Variants in EYS observed in about 807,000 individuals in gnomAD.
EYS encodes protein eyes shut homolog.
Under a neutral mutation model 282.1 loss-of-function variants are expected in EYS, and 250 were observed. That is an observed-to-expected ratio of 0.89 (90% CI 0.80 to 0.98). The LOEUF (loss-of-function observed/expected upper bound fraction) is 0.98. Ranked by LOEUF, EYS falls within the 50% of genes least tolerant of loss-of-function variation. The pLI is 0.00. For synonymous variants in EYS, 1,355 were observed against 1,282.9 expected (o/e 1.06, Z -1.20); for missense variants, 4,016 against 3,709.0 (o/e 1.08, Z -2.15).
intron 35 of EYS, among the ~76,000 whole-genome samples, chr6:63,937,348 T>TTTTTTTTG: frequency 5.3e-5 from 1 of 18,996 alleles, no homozygotes; most frequent in African/African-American, 2.4e-4. Context: ...CTCTTTTCTT[T>TTTTTTTTG]TTTTTTTTTT....
chr6:65,052,090 C>T (rs1773287098), intron 13 of EYS, among the ~76,000 whole-genome samples: 1 of 151,446 alleles, frequency 6.6e-6, no homozygotes, highest in South Asian at 2.1e-4. Flanking sequence ...GAATTTAAAA[C>T]TGCTGATTGG....
chr6:64,948,622 A>G (rs1769379587), intron 14 of EYS, among the ~76,000 whole-genome samples: 1 of 147,744 alleles, frequency 6.8e-6, no homozygotes, highest in Non-Finnish European at 1.5e-5. Flanking sequence ...AAATAATAGT[A>G]AATACTAGTA....
chr6:64,830,788 A>G (rs1438816851), intron 19 of EYS, among the ~76,000 whole-genome samples: 3 of 151,858 alleles, frequency 2.0e-5, no homozygotes, highest in Non-Finnish European at 4.4e-5. Flanking sequence ...AGGGTTGACT[A>G]TAATAGATAA....
At chr6:64,302,029 A>G (rs1769256329) in intron 30 of EYS, among the ~76,000 whole-genome samples, 1 of 152,230 alleles carries the variant, frequency 6.6e-6, no homozygotes, top group Admixed American at 6.5e-5. Flanking sequence ...ACTCTAAAGC[A>G]CACCCTGTGT....
At chr6:64,006,809 T>A (rs1419879557) in intron 33 of EYS, among the ~76,000 whole-genome samples, 1 of 152,168 alleles carries the variant, frequency 6.6e-6, no homozygotes, top group Non-Finnish European at 1.5e-5. Flanking sequence ...GATTTGCATA[T>A]GTTTATGCAA....
At chr6:65,003,325 C>T (rs1356076643) in intron 13 of EYS, among the ~76,000 whole-genome samples, 2 of 147,408 alleles carry the variant, frequency 1.4e-5, no homozygotes, top group East Asian at 4.3e-4. Context: ...ACAGCACTCC[C>T]AGGCTTATTA....
At chr6:64,278,773 T>C (rs1327520122) in intron 30 of EYS, among the ~76,000 whole-genome samples, 1 of 152,012 alleles carries the variant, frequency 6.6e-6, no homozygotes, top group East Asian at 1.9e-4. Flanking sequence ...CTCCCTCTCC[T>C]CTCTTTCTGA....
At chr6:65,688,939 G>C (rs1769133174) in intron 1 of EYS, among the ~76,000 whole-genome samples, 1 of 151,564 alleles carries the variant, frequency 6.6e-6, no homozygotes, top group Admixed American at 6.6e-5. Flanking sequence ...CTGTAAACTA[G>C]TTCAACCATT....
At chr6:64,167,721 AAAGAT>A (rs1470493802) in intron 31 of EYS, among the ~76,000 whole-genome samples, 1 of 152,202 alleles carries the variant, frequency 6.6e-6, no homozygotes, top group Non-Finnish European at 1.5e-5. Context: ...ATATTAATGA[AAAGAT>A]AAGCAGTAGC....
chr6:64,953,751 T>C (rs1166619069), intron 14 of EYS, among the ~76,000 whole-genome samples: 1 of 151,832 alleles, frequency 6.6e-6, no homozygotes, highest in Non-Finnish European at 1.5e-5. Flanking sequence ...TGATTGAACA[T>C]ATTTTGAAAT....
At chr6:65,385,603 A>G (rs1324905674) in intron 7 of EYS, among the ~76,000 whole-genome samples, 1 of 151,852 alleles carries the variant, frequency 6.6e-6, no homozygotes, top group African/African-American at 2.4e-5. Context: ...ATTATTTATC[A>G]CTTTTATAAA....
rs967920125 is a variant in EYS at position 65,260,540 on chromosome 6, A to G, written c.2023+35323T>C. ...CCATAAAGCTTTTCTTCTCTCATTA[A>G]AATTGTCTTTGTTTGAATTATATTA... On this transcript the variant is annotated intron_variant, in intron 12 of 42. Coordinates refer to ENST00000503581, the MANE Select transcript of EYS (RefSeq NM_001142800.2). Among the ~76,000 whole-genome samples the G allele has an allele frequency of 1.6e-4, 24 of 152,004 alleles. 1 individual carries two copies. The highest frequency in any genetic ancestry group is 4.8e-4 in the African/African-American group (20 of 41,422).
intron 15 of EYS, among the ~76,000 whole-genome samples, chr6:64,926,631 C>A (rs1289516436): frequency 1.3e-5 from 2 of 152,154 alleles, no homozygotes; most frequent in Non-Finnish European, 2.9e-5. Flanking sequence ...TTGTTACCTG[C>A]ATTTTTTTTC....
chr6:65,129,590 C>T lies in EYS; in HGVS notation c.2024-71863G>A, dbSNP rs147917950. Among the ~76,000 whole-genome samples, 36 of 151,790 alleles carry T rather than the reference C, an allele frequency of 2.4e-4. No individual in the cohort carries two copies. The East Asian group carries it at 5.8e-3, about 25-fold the overall frequency. ...TCATAATCACTAATCATCAGAGAAA[C>T]GAATATCAAAACCACAATGAGATAC... On this transcript the variant is annotated intron_variant, in intron 12 of 42. Coordinates refer to ENST00000503581, the MANE Select transcript of EYS (RefSeq NM_001142800.2).
chr6:64,950,331 G>T (rs1031218104), intron 14 of EYS, among the ~76,000 whole-genome samples: 3 of 151,832 alleles, frequency 2.0e-5, no homozygotes, highest in African/African-American at 7.2e-5. Flanking sequence ...TAGGTGAAGA[G>T]AATAGAAAAA....
rs1035793432 is a variant in EYS at position 65,640,043 on chromosome 6, T to C, written c.-447-151A>G. ...GCTATAGTCCTACATTTATTGTCTGTGTAATTACTGAGAGAAATAAGATGG... is the reference window on the plus strand; with the variant it reads ...GCTATAGTCCTACATTTATTGTCTGCGTAATTACTGAGAGAAATAAGATGG... On this transcript the variant is annotated intron_variant, in intron 1 of 42. Coordinates refer to ENST00000503581, the MANE Select transcript of EYS (RefSeq NM_001142800.2). 9.8e-5 allele frequency among the ~76,000 whole-genome samples: 15 copies of C among 152,340 alleles called. No individual in the cohort carries two copies. The South Asian group carries it at 2.3e-3, about 23-fold the overall frequency.
At position 64,475,290 on chromosome 6, in the gene EYS, G is replaced by T. The variant is rs1392794768; in HGVS notation, c.5645-35938C>A. Among the ~76,000 whole-genome samples, 4 of 134,400 alleles carry T rather than the reference G, an allele frequency of 3.0e-5. 1 individual carries two copies. Among genetic ancestry groups the T allele is most frequent in the Non-Finnish European group, 5.0e-5 (3 of 60,184 alleles). 88.2% of individuals were successfully genotyped at this position (134,400 alleles called of 152,430 possible). ...GAAAAGGCCGGGCGCGGTGGCTCAC[G>T]CCTGTAATCCCAGCACTTTGGGAGG... On this transcript the variant is annotated intron_variant, in intron 26 of 42. Transcript: ENST00000503581.
chr6:64,145,702 T>C (rs1774491775), intron 31 of EYS, among the ~76,000 whole-genome samples: 1 of 152,198 alleles, frequency 6.6e-6, no homozygotes, highest in African/African-American at 2.4e-5. Context: ...ATTTTAATAA[T>C]TGAGCGAAAA....
intron 10 of EYS, 81 bp from the exon 11 acceptor site, chr6:65,335,227 A>G: frequency 1.1e-6 from 1 of 921,240 alleles, no homozygotes; most frequent in Non-Finnish European, 1.8e-6. Flanking sequence ...AGAGATCATG[A>G]TAGATGCCTC....
Sources: gnomAD v4.1 joint callset for allele counts (sites outside exome capture counted in the v4.1 genomes callset) on GRCh38, gnomAD v4.1.1 for gene constraint, MANE v1.5 for transcripts, NCBI Gene and HGNC (gene_info 2026-07-23, HGNC 2026-07-21) for gene names.